The following LRMDA variants were observed in gnomAD, a reference collection of about 807,000 sequenced individuals.
LRMDA encodes leucine rich melanocyte differentiation associated.
LRMDA carries 18 observed loss-of-function variants against 29.8 expected under a neutral mutation model. That is an observed-to-expected ratio of 0.60 (90% CI 0.42 to 0.90). The LOEUF is 0.90. Ranked by LOEUF, LRMDA falls within the 40% of genes least tolerant of loss-of-function variation. The probability of loss-of-function intolerance (pLI) is 0.00; values close to 1 mark genes in which losing one functional copy is unlikely to be tolerated. For missense variants in LRMDA, 273 were observed against 273.9 expected, an observed-to-expected ratio of 1.00 and a Z score of 0.02; for synonymous variants, 125 against 109.4, an observed-to-expected ratio of 1.14 and a Z score of -0.89.
rs147521063 is a variant in LRMDA at position 75,832,055 on chromosome 10, A to T, written c.132-203953A>T. Among the ~76,000 whole-genome samples, 483 of 152,328 alleles carry T rather than the reference A, an allele frequency of 3.2e-3. 4 individuals are homozygous for T. Among genetic ancestry groups the T allele is most frequent in the African/African-American group, 0.011 (467 of 41,584 alleles). On this transcript the variant is annotated intron_variant, in intron 2 of 6. Transcript: ENST00000611255. The stretch of plus-strand genomic sequence containing the variant: ...ATGCCCTGGAGACATTGTCCCCATT[A>T]TCTTGGCTATTAACATTTGGTTCCA...
chr10:76,550,143 G>A (rs1478728209), intron 6 of LRMDA, among the ~76,000 whole-genome samples: 1 of 152,156 alleles, frequency 6.6e-6, no homozygotes, highest in Non-Finnish European at 1.5e-5. Context: ...AAATAGAAAT[G>A]AAAATGTTAA....
At chr10:75,668,104 C>CA (rs1841845574) in intron 2 of LRMDA, among the ~76,000 whole-genome samples, 1 of 152,226 alleles carries the variant, frequency 6.6e-6, no homozygotes, top group Non-Finnish European at 1.5e-5. Context: ...GCCAAGGTTT[C>CA]AATAGCTTCT....
chr10:76,329,998 C>A (rs904646231), intron 6 of LRMDA, among the ~76,000 whole-genome samples: 1 of 152,076 alleles, frequency 6.6e-6, no homozygotes, highest in Non-Finnish European at 1.5e-5. Flanking sequence ...GAAGAGGTAG[C>A]AATGTAGACA....
intron 5 of LRMDA, among the ~76,000 whole-genome samples, chr10:76,215,723 G>A (rs1218078021): frequency 6.6e-6 from 1 of 152,140 alleles, no homozygotes; most frequent in Non-Finnish European, 1.5e-5. Flanking sequence ...GAAATTGGGA[G>A]GAATTTCTTG....
chr10:75,437,623 A>G (rs1371511093), intron 1 of LRMDA, among the ~76,000 whole-genome samples: 2 of 152,226 alleles, frequency 1.3e-5, no homozygotes, highest in East Asian at 1.9e-4. Flanking sequence ...ACCTTCTCAC[A>G]GGTTCTGGAA....
chr10:75,461,456 G>A (rs978408516), intron 2 of LRMDA, among the ~76,000 whole-genome samples: 1 of 152,264 alleles, frequency 6.6e-6, no homozygotes. Context: ...GAGAAGGGCA[G>A]TGGAAGGTGA....
At chr10:76,178,162 C>T (rs968834183) in intron 5 of LRMDA, among the ~76,000 whole-genome samples, 16 of 152,220 alleles carry the variant, frequency 1.1e-4, no homozygotes, top group African/African-American at 3.9e-4. Flanking sequence ...CTTGCGATAC[C>T]CTGTGTTTTC....
At chr10:76,317,454 G>A (rs563241246) in intron 5 of LRMDA, among the ~76,000 whole-genome samples, 10 of 151,924 alleles carry the variant, frequency 6.6e-5, no homozygotes, top group African/African-American at 1.4e-4. Flanking sequence ...GCATTATTTC[G>A]TATCAGCCAT....
chr10:76,423,290 A>T (rs1361962285), intron 6 of LRMDA, among the ~76,000 whole-genome samples: 2 of 152,166 alleles, frequency 1.3e-5, no homozygotes, highest in African/African-American at 2.4e-5. Flanking sequence ...GCTACTTGTG[A>T]GGCTGAGGTG....
chr10:76,243,112 A>G (rs1371674102), intron 5 of LRMDA, among the ~76,000 whole-genome samples: 3 of 152,198 alleles, frequency 2.0e-5, no homozygotes, highest in Non-Finnish European at 4.4e-5. Context: ...AGCCAAGCTC[A>G]TGCTGGCAGG....
chr10:75,696,801 A>G (rs1221040132), intron 2 of LRMDA, among the ~76,000 whole-genome samples: 3 of 152,178 alleles, frequency 2.0e-5, no homozygotes, highest in African/African-American at 7.2e-5. Flanking sequence ...TCTCCTGTGT[A>G]ATCTTGGAAG....
At chr10:76,014,324 G>T (rs1394113198) in intron 2 of LRMDA, among the ~76,000 whole-genome samples, 1 of 151,486 alleles carries the variant, frequency 6.6e-6, no homozygotes, top group African/African-American at 2.4e-5. Context: ...TGACCTTACG[G>T]GGTTAAACCC....
chr10:76,463,363 T>C (rs1564548607), intron 6 of LRMDA, among the ~76,000 whole-genome samples: 1 of 152,228 alleles, frequency 6.6e-6, no homozygotes. Flanking sequence ...GGAAAAGCTA[T>C]CATTCTAAAC....
intron 5 of LRMDA, among the ~76,000 whole-genome samples, chr10:76,078,068 T>C (rs1848989678): frequency 7.4e-6 from 1 of 135,492 alleles, no homozygotes; most frequent in Non-Finnish European, 1.5e-5. Context: ...TGTATTGCAG[T>C]GGTGTGATCT....
In LRMDA at chr10:76,024,498, C is replaced by T. The variant is rs1048795567; in HGVS notation, c.132-11510C>T. Reference sequence around the variant, plus strand: ...AAGCCACTTTTGGAGGTCACCATATCTCCTGGGGCCTTCTTTCCTGCTGGA... The same window carrying T: ...AAGCCACTTTTGGAGGTCACCATATTTCCTGGGGCCTTCTTTCCTGCTGGA... On this transcript the variant is annotated intron_variant, in intron 2 of 6. Transcript: ENST00000611255. Among the ~76,000 whole-genome samples the T allele has an allele frequency of 9.9e-5, 15 of 152,226 alleles. 1 individual carries two copies. The highest frequency in any genetic ancestry group is 3.6e-4 in the African/African-American group (15 of 41,476).
chr10:75,666,869 T>G (rs1841829065), intron 2 of LRMDA, among the ~76,000 whole-genome samples: 1 of 152,148 alleles, frequency 6.6e-6, no homozygotes, highest in African/African-American at 2.4e-5. Flanking sequence ...AAGCTTAAAA[T>G]TATAAAATTC....
At chr10:76,494,326 CT>C (rs34885811) in intron 6 of LRMDA, among the ~76,000 whole-genome samples, 17,529 of 138,530 alleles carry the variant, frequency 0.13, 1,165 homozygotes, top group Middle Eastern at 0.21. Flanking sequence ...GGCTACATAG[CT>C]TTTTTTTTTT....
chr10:75,432,552 CCTCTT>C (rs1370527669), intron 1 of LRMDA, among the ~76,000 whole-genome samples: 11 of 152,226 alleles, frequency 7.2e-5, no homozygotes, highest in Admixed American at 5.9e-4. Context: ...CTGTCTTTAA[CCTCTT>C]CTCTGCTCTG....
intron 2 of LRMDA, among the ~76,000 whole-genome samples, chr10:75,901,298 C>T (rs927785867): frequency 6.6e-6 from 1 of 150,544 alleles, no homozygotes; most frequent in South Asian, 2.1e-4. Context: ...TCACTCATGC[C>T]TTAATGACAC....
Sources: allele counts gnomAD v4.1 joint callset (sites outside exome capture counted in the v4.1 genomes callset), GRCh38; gene constraint gnomAD v4.1.1; transcripts MANE v1.5; gene names NCBI Gene and HGNC (gene_info 2026-07-23, HGNC 2026-07-21).